The following WDR70 variants were observed in gnomAD, a reference collection of about 807,000 sequenced individuals.
WDR70 encodes the protein WD repeat domain 70.
A neutral mutation model predicts 88.6 loss-of-function variants in WDR70; 53 were observed. The ratio of observed to expected loss-of-function variants is 0.60; its 90% confidence interval spans 0.48 to 0.75. The LOEUF (loss-of-function observed/expected upper bound fraction) is 0.75, where lower values mean the gene tolerates loss of function less well. Among genes scored for constraint, WDR70 ranks in the 30% least tolerant of loss-of-function variants. The pLI, the probability that WDR70 is intolerant of heterozygous loss-of-function variation, is 0.00. For missense variants in WDR70, 610 were observed against 823.2 expected (o/e 0.74, Z 3.17); for synonymous variants, 280 against 270.0 (o/e 1.04, Z -0.36).
At position 37,707,976 on chromosome 5, in the gene WDR70, T is replaced by A. The variant is rs1180081571; in HGVS notation, c.1416+4889T>A. On this transcript the variant is annotated intron_variant, in intron 13 of 17. Transcript: ENST00000265107. Reference sequence around the variant, plus strand: ...ATATATATATATATATATATATATATATATATATATATATATAGTTGATTG... The same window carrying A: ...ATATATATATATATATATATATATAAATATATATATATATATAGTTGATTG... Among the ~76,000 whole-genome samples, 20 of 96,200 alleles carry A rather than the reference T, an allele frequency of 2.1e-4. 1 individual carries two copies. Among genetic ancestry groups the A allele is most frequent in the East Asian group, 6.1e-4 (2 of 3,300 alleles). The allele number at this position is 96,200 out of a possible 152,430, so 63.1% of individuals were successfully genotyped here. A position where few individuals can be genotyped will look rare whatever the true frequency, so the allele number is the denominator to read the frequency against.
chr5:37,576,874 G>A (rs767564728), intron 9 of WDR70, among the ~76,000 whole-genome samples: 2 of 151,876 alleles, frequency 1.3e-5, no homozygotes, highest in Admixed American at 1.3e-4. Flanking sequence ...TTTTATGACA[G>A]GGTAAAGAAG....
intron 17 of WDR70, among the ~76,000 whole-genome samples, chr5:37,743,036 C>T (rs764372873): frequency 5.3e-5 from 8 of 152,188 alleles, no homozygotes; most frequent in African/African-American, 1.2e-4. Context: ...TTCAAAGCAG[C>T]GGTGTTCAGA....
At chr5:37,701,430 AGTT>A (rs1167755909) in intron 12 of WDR70, among the ~76,000 whole-genome samples, 1 of 152,260 alleles carries the variant, frequency 6.6e-6, no homozygotes. Flanking sequence ...TAAGAGATTC[AGTT>A]GTTCTTTTAA....
chr5:37,629,489 T>A (rs1744755490), intron 10 of WDR70, among the ~76,000 whole-genome samples: 2 of 152,202 alleles, frequency 1.3e-5, no homozygotes, highest in Non-Finnish European at 2.9e-5. Context: ...TTTTTGCCAC[T>A]GCTTGTGTTA....
At position 37,752,661 on chromosome 5, in the gene WDR70, C is replaced by A; in HGVS notation, c.*88C>A. On this transcript the variant is annotated 3_prime_UTR_variant, in exon 18 of 18. Coordinates refer to ENST00000265107, the MANE Select transcript of WDR70 (RefSeq NM_018034.4). ...TTTTATGCTCATGAAATTAAAAATT[C>A]ATTTTTATGAACAGGTTTTGTCCTT... 1 of 955,060 alleles carries A rather than the reference C, an allele frequency of 1.0e-6. No homozygotes were observed. Among genetic ancestry groups the A allele is most frequent in the South Asian group, 1.6e-5 (1 of 64,098 alleles). 59.2% of individuals were successfully genotyped at this position (955,060 alleles called of 1,614,324 possible). A position where few individuals can be genotyped will look rare whatever the true frequency, so the allele number is the denominator to read the frequency against.
intron 10 of WDR70, among the ~76,000 whole-genome samples, chr5:37,640,338 G>A (rs1223935313): frequency 6.6e-6 from 1 of 151,986 alleles, no homozygotes; most frequent in Non-Finnish European, 1.5e-5. Context: ...CATTCCTGAC[G>A]GTTGCTGTCA....
At chr5:37,403,249 C>T (rs1388309742) in intron 5 of WDR70, among the ~76,000 whole-genome samples, 11 of 152,026 alleles carry the variant, frequency 7.2e-5, no homozygotes, top group Admixed American at 7.2e-4. Flanking sequence ...TGCCCGGTCC[C>T]CAATCTTTCT....
chr5:37,552,926 A>T (rs1742187370), intron 9 of WDR70, among the ~76,000 whole-genome samples: 1 of 152,180 alleles, frequency 6.6e-6, no homozygotes, highest in South Asian at 2.1e-4. Flanking sequence ...AGAAGCCCTA[A>T]TTGTCAAGAG....
chr5:37,424,162 A>C lies in WDR70; in HGVS notation c.493-13760A>C, dbSNP rs1162026211. Among the ~76,000 whole-genome samples the C allele has an allele frequency of 2.0e-5, 3 of 150,186 alleles. No individual in the cohort carries two copies. In the Admixed American group the frequency reaches 2.0e-4, roughly 10 times the overall value. On this transcript the variant is annotated intron_variant, in intron 5 of 17. Coordinates refer to ENST00000265107, the MANE Select transcript of WDR70 (RefSeq NM_018034.4). ...AGACTCCATCTCAAAAAAAAAAAAA[A>C]AAAAAAAAAACAAAGACAAAAAAAA...
At chr5:37,543,392 A>G (rs564856393) in intron 9 of WDR70, among the ~76,000 whole-genome samples, 7 of 152,306 alleles carry the variant, frequency 4.6e-5, no homozygotes, top group African/African-American at 1.4e-4. Context: ...TTTTGTTCTT[A>G]GAAGATACCA....
chr5:37,731,495 C>T (rs1013443982), intron 17 of WDR70, among the ~76,000 whole-genome samples: 1 of 152,134 alleles, frequency 6.6e-6, no homozygotes, highest in Non-Finnish European at 1.5e-5. Context: ...TGTGTATAAA[C>T]TAATCCATGT....
intron 10 of WDR70, among the ~76,000 whole-genome samples, chr5:37,635,310 CT>C (rs1744926299): frequency 6.6e-6 from 1 of 152,176 alleles, no homozygotes; most frequent in Non-Finnish European, 1.5e-5. Context: ...GGATCCTGCA[CT>C]GTGGTGTGGA....
chr5:37,564,579 A>AGGGAGAGGGAGAGGT (rs1742679757), intron 9 of WDR70, among the ~76,000 whole-genome samples: 2 of 147,636 alleles, frequency 1.4e-5, no homozygotes, highest in African/African-American at 2.7e-5. Context: ...GAGGGAGAGG[A>AGGGAGAGGGAGAGGT]GGGAGAGGGA....
At chr5:37,410,356 A>C (rs1230841027) in intron 5 of WDR70, among the ~76,000 whole-genome samples, 4 of 151,736 alleles carry the variant, frequency 2.6e-5, no homozygotes, top group Admixed American at 2.6e-4. Flanking sequence ...GCTAGTTTTG[A>C]CTTGAGTACT....
At chr5:37,616,062 G>C (rs1039914510) in intron 10 of WDR70, among the ~76,000 whole-genome samples, 2 of 152,080 alleles carry the variant, frequency 1.3e-5, no homozygotes, top group Non-Finnish European at 2.9e-5. Flanking sequence ...GACACTTCCA[G>C]TCTTTCGGTT....
chr5:37,483,145 C>T (rs1433573859), intron 8 of WDR70, among the ~76,000 whole-genome samples: 18 of 138,520 alleles, frequency 1.3e-4, no homozygotes, highest in African/African-American at 3.2e-4. Flanking sequence ...GGGTGTTTCT[C>T]GCAGAGGGGG....
chr5:37,422,255 G>T (rs1749966421), intron 5 of WDR70, among the ~76,000 whole-genome samples: 1 of 151,252 alleles, frequency 6.6e-6, no homozygotes. Flanking sequence ...AACTTTACCT[G>T]AAACAGTAGT....
intron 5 of WDR70, among the ~76,000 whole-genome samples, chr5:37,432,805 T>G (rs992233554): frequency 6.6e-6 from 1 of 151,812 alleles, no homozygotes; most frequent in Admixed American, 6.6e-5. Flanking sequence ...CCTCGTGATC[T>G]GCCTGCCTTG....
chr5:37,561,562 A>C (rs1416148701), intron 9 of WDR70, among the ~76,000 whole-genome samples: 1 of 152,104 alleles, frequency 6.6e-6, no homozygotes, highest in East Asian at 1.9e-4. Flanking sequence ...ATCAGGAAGA[A>C]TTCATTTGTG....
Sources: gnomAD v4.1 joint callset for allele counts (sites outside exome capture counted in the v4.1 genomes callset) on GRCh38, gnomAD v4.1.1 for gene constraint, MANE v1.5 for transcripts, NCBI Gene and HGNC (gene_info 2026-07-23, HGNC 2026-07-21) for gene names.